SHOC2: variants seen among roughly 807,000 people sequenced by gnomAD.
SHOC2 encodes SHOC2 leucine rich repeat scaffold protein.
In SHOC2, 4 loss-of-function variants were observed where a neutral mutation model predicts 50.2. That is an observed-to-expected ratio of 0.08 (90% CI 0.04 to 0.18). SHOC2 has a LOEUF of 0.18. Ranked by LOEUF, SHOC2 falls within the 10% of genes least tolerant of loss-of-function variation. SHOC2 has a pLI of 1.00. For missense variants in SHOC2, 388 were observed against 669.6 expected, an observed-to-expected ratio of 0.58 and a Z score of 4.64; for synonymous variants, 218 against 244.5, an observed-to-expected ratio of 0.89 and a Z score of 1.01.
chr10:110,941,486 C>T (rs1434693142), intron 1 of SHOC2, among the ~76,000 whole-genome samples: 1 of 152,014 alleles, frequency 6.6e-6, no homozygotes, highest in Non-Finnish European at 1.5e-5. Flanking sequence ...TATGTGCCAC[C>T]ATGCCTGGCT....
At chr10:110,929,874 T>TA (rs1230009273) in intron 1 of SHOC2, among the ~76,000 whole-genome samples, 5 of 152,354 alleles carry the variant, frequency 3.3e-5, no homozygotes, top group African/African-American at 1.2e-4. Context: ...AGTTAATACA[T>TA]ACCAGTTGGG....
intron 1 of SHOC2, among the ~76,000 whole-genome samples, chr10:110,955,591 C>T (rs1847445132): frequency 6.6e-6 from 1 of 152,102 alleles, no homozygotes; most frequent in African/African-American, 2.4e-5. Flanking sequence ...TTAATAAATT[C>T]ATACTTGCGG....
chr10:110,954,929 T>C (rs1421679482), intron 1 of SHOC2, among the ~76,000 whole-genome samples: 2 of 152,146 alleles, frequency 1.3e-5, no homozygotes, highest in Non-Finnish European at 2.9e-5. Flanking sequence ...CAGTGAGAGA[T>C]TGGTAAGAGG....
At position 111,012,355 on chromosome 10, in the gene SHOC2, C is replaced by G. The variant is rs1848582100; in HGVS notation, c.*537C>G. The stretch of plus-strand genomic sequence containing the variant: ...TTGTTTTGATTTGCTCTGTTTTATT[C>G]AGTCAAATCTAGAGTTTGAATCCTC... On this transcript the variant is annotated 3_prime_UTR_variant, in exon 9 of 9. Transcript: ENST00000369452. 6.4e-6 allele frequency: 1 copy of G among 156,614 alleles called. No homozygotes were observed. Among genetic ancestry groups the G allele is most frequent in the Non-Finnish European group, 1.4e-5 (1 of 71,102 alleles). 9.7% of individuals were successfully genotyped at this position (156,614 alleles called of 1,614,324 possible).
At position 111,013,237 on chromosome 10, in the gene SHOC2, GTCA is replaced by G. The variant is rs1378950926; in HGVS notation, c.*1422_*1424del. On this transcript the variant is annotated 3_prime_UTR_variant, in exon 9 of 9. Transcript: ENST00000369452. ...TCTCAGAGCAAGGTGCGTTCTAGAT[GTCA>G]TCCTAAAAAACACTTCATATATAAT... is the stretch of plus-strand genomic sequence containing the variant. 1 of 151,332 alleles carries G rather than the reference GTCA, an allele frequency of 6.6e-6. No individual in the cohort carries two copies. Among genetic ancestry groups the G allele is most frequent in the Non-Finnish European group, 1.5e-5 (1 of 67,922 alleles). The allele number at this position is 151,332 out of a possible 1,614,324, so 9.4% of individuals were successfully genotyped here. A position where few individuals can be genotyped will look rare whatever the true frequency, so the allele number is the denominator to read the frequency against.
intron 1 of SHOC2, among the ~76,000 whole-genome samples, chr10:110,963,916 A>G (rs1847620953): frequency 1.3e-5 from 2 of 152,156 alleles, no homozygotes; most frequent in Admixed American, 1.3e-4. Flanking sequence ...ACATTCATAC[A>G]TCTTCCTATT....
chr10:111,006,665 C>T (rs533244514), intron 5 of SHOC2, among the ~76,000 whole-genome samples: 9 of 152,278 alleles, frequency 5.9e-5, no homozygotes, highest in Non-Finnish European at 8.8e-5. Flanking sequence ...CCACCACGCC[C>T]GGCCGCAAAT....
chr10:110,955,871 A>G (rs748790450), intron 1 of SHOC2, among the ~76,000 whole-genome samples: 3 of 152,200 alleles, frequency 2.0e-5, no homozygotes, highest in Non-Finnish European at 4.4e-5. Context: ...CTCGTTGAAG[A>G]GTTAGGAGGA....
At chr10:110,930,735 C>CTTTTTTTT (rs772553111) in intron 1 of SHOC2, among the ~76,000 whole-genome samples, 3,524 of 96,604 alleles carry the variant, frequency 0.036, 164 homozygotes, top group Non-Finnish European at 0.057. Flanking sequence ...ACGAGTAAAT[C>CTTTTTTTT]TTTTTTTTTT....
chr10:111,008,736 A>G (rs989116681), intron 6 of SHOC2, among the ~76,000 whole-genome samples: 1 of 152,044 alleles, frequency 6.6e-6, no homozygotes, highest in Non-Finnish European at 1.5e-5. Flanking sequence ...CTTTCTCCCA[A>G]CCCAGTATTG....
chr10:111,012,896 A>C lies in SHOC2; in HGVS notation c.*1078A>C, dbSNP rs557280270. On this transcript the variant is annotated 3_prime_UTR_variant, in exon 9 of 9. Transcript: ENST00000369452. ...TCTTGACTTGCCTTGTACATCTTTC[A>C]ATTCTGGAATATCTGTGTCTAAGCA... 1 of 152,740 alleles carries C rather than the reference A, an allele frequency of 6.5e-6. No homozygotes were observed. Among genetic ancestry groups the C allele is most frequent in the South Asian group, 2.1e-4 (1 of 4,828 alleles). 9.5% of individuals were successfully genotyped at this position (152,740 alleles called of 1,614,324 possible).
intron 2 of SHOC2, among the ~76,000 whole-genome samples, chr10:110,966,716 A>T (rs1397830514): frequency 6.6e-6 from 1 of 152,114 alleles, no homozygotes; most frequent in Non-Finnish European, 1.5e-5. Context: ...TATGTGGCTT[A>T]TATTTGTGGC....
intron 2 of SHOC2, among the ~76,000 whole-genome samples, chr10:110,971,539 T>TC (rs1184051570): frequency 1.3e-5 from 2 of 152,184 alleles, no homozygotes; most frequent in Non-Finnish European, 2.9e-5. Flanking sequence ...TTTAGAGTCT[T>TC]CTATGGTTCC....
At chr10:110,992,844 GAA>G (rs1302630920) in intron 3 of SHOC2, among the ~76,000 whole-genome samples, 1 of 152,008 alleles carries the variant, frequency 6.6e-6, no homozygotes, top group Non-Finnish European at 1.5e-5. Context: ...TAATGTTTCT[GAA>G]AAAATAATGG....
At chr10:110,928,870 GGGGAACACATCCA>G (rs1846831477) in intron 1 of SHOC2, among the ~76,000 whole-genome samples, 1 of 152,158 alleles carries the variant, frequency 6.6e-6, no homozygotes, top group Non-Finnish European at 1.5e-5. Flanking sequence ...ACTCCAGCCT[GGGGAACACATCCA>G]GACCCTGTCT....
intron 1 of SHOC2, among the ~76,000 whole-genome samples, chr10:110,938,860 G>C (rs1053488968): frequency 2.0e-5 from 3 of 152,086 alleles, no homozygotes; most frequent in Non-Finnish European, 4.4e-5. Context: ...TTTTTAATAG[G>C]GATAAATGAT....
At position 110,933,049 on chromosome 10, in the gene SHOC2, TA is replaced by T. The variant is rs1846925972; in HGVS notation, c.-235+13393del. Among the ~76,000 whole-genome samples the T allele has an allele frequency of 2.0e-5, 3 of 152,322 alleles. No homozygotes were observed. The South Asian group carries it at 6.2e-4, about 32-fold the overall frequency. On this transcript the variant is annotated intron_variant, in intron 1 of 8. Coordinates refer to ENST00000369452, the MANE Select transcript of SHOC2 (RefSeq NM_007373.4). ...TGTAATTCTGGCTGGAAGTAGTAGA[TA>T]TATTAAGTTCTTTATGGGTAATCAT... is the stretch of plus-strand genomic sequence containing the variant.
rs186194580 is a variant in SHOC2, at chr10:110,956,755, T to A, written c.-234-7370T>A. ...CTGTTACCTTATATAATCATTGTGT[T>A]TTTCATGTTTATGAGAAATAAAAGA... On this transcript the variant is annotated intron_variant, in intron 1 of 8. Transcript: ENST00000369452. 3.2e-3 allele frequency among the ~76,000 whole-genome samples: 486 copies of A among 152,304 alleles called. 26 individuals are homozygous for A. The South Asian group carries it at 0.093, about 29-fold the overall frequency.
At chr10:110,988,658 T>C (rs553286103) in intron 3 of SHOC2, among the ~76,000 whole-genome samples, 130 of 152,256 alleles carry the variant, frequency 8.5e-4, no homozygotes, top group African/African-American at 3.0e-3. Context: ...TCCCTATTGT[T>C]TCTCTGGTTT....
Sources: gnomAD v4.1 joint callset for allele counts (sites outside exome capture counted in the v4.1 genomes callset) on GRCh38, gnomAD v4.1.1 for gene constraint, MANE v1.5 for transcripts, NCBI Gene and HGNC (gene_info 2026-07-23, HGNC 2026-07-21) for gene names.